Variants in ADAMTS17 observed in about 807,000 individuals in gnomAD.
ADAMTS17 encodes the protein ADAM metallopeptidase with thrombospondin type 1 motif 17, also known as A disintegrin and metalloproteinase with thrombospondin motifs 17.
ADAMTS17 carries 113 observed loss-of-function variants against 141.5 expected under a neutral mutation model. The observed-to-expected ratio is 0.80, with a 90% confidence interval of 0.69 to 0.93. The LOEUF is 0.93. ADAMTS17 is among the 40% of genes least tolerant of loss of function. ADAMTS17 has a pLI of 0.00. For synonymous variants in ADAMTS17, 768 were observed against 630.6 expected (o/e 1.22, Z -3.27); for missense variants, 1,659 against 1,517.9 (o/e 1.09, Z -1.54).
rs2060237403 is a variant in ADAMTS17, at chr15:99,972,747, C to T, written c.*1655G>A. ...ATTCAAGTGGAAGTGAGTAAATTCC[C>T]TGACATCCCTACCGCTTCTCTGCCT... On this transcript the variant is annotated 3_prime_UTR_variant, in exon 22 of 22. Transcript: ENST00000268070. The T allele has an allele frequency of 6.6e-6, 1 of 152,182 alleles. No homozygotes were observed. Among genetic ancestry groups the T allele is most frequent in the East Asian group, 1.9e-4 (1 of 5,176 alleles). The allele number at this position is 152,182 out of a possible 1,614,324, so 9.4% of individuals were successfully genotyped here.
At chr15:100,158,679 T>C (rs116191667) in intron 8 of ADAMTS17, among the ~76,000 whole-genome samples, 1,933 of 152,334 alleles carry the variant, frequency 0.013, 38 homozygotes, top group African/African-American at 0.043. Context: ...AGTGGAATCC[T>C]GCAGTATTTT....
At chr15:100,058,114 T>A (rs144641013) in intron 15 of ADAMTS17, among the ~76,000 whole-genome samples, 167 of 150,844 alleles carry the variant, frequency 1.1e-3, no homozygotes, top group Non-Finnish European at 2.2e-3. Context: ...TCAAACTCCC[T>A]CCAGGGCCTC....
At chr15:99,990,067 GCT>G (rs1596168181) in intron 20 of ADAMTS17, among the ~76,000 whole-genome samples, 1 of 152,052 alleles carries the variant, frequency 6.6e-6, no homozygotes, top group East Asian at 1.9e-4. Context: ...CTTTCTTTTC[GCT>G]CTCTTGACTG....
chr15:100,214,965 C>T (rs1705539652), intron 7 of ADAMTS17, among the ~76,000 whole-genome samples: 1 of 152,242 alleles, frequency 6.6e-6, no homozygotes, highest in South Asian at 2.1e-4. Context: ...ACTGCCCATT[C>T]TGCTCTATTG....
chr15:100,232,019 G>T (rs992775663), intron 7 of ADAMTS17, among the ~76,000 whole-genome samples: 2 of 152,180 alleles, frequency 1.3e-5, no homozygotes, highest in African/African-American at 4.8e-5. Context: ...ACTCAACAGA[G>T]TAACAAAAAT....
At chr15:100,339,030 C>A (rs745746309) in intron 2 of ADAMTS17, 2 of 985,412 alleles carry the variant, frequency 2.0e-6, no homozygotes, top group Non-Finnish European at 2.4e-6. Flanking sequence ...CCAGCTCACA[C>A]GAACGGGATG....
At chr15:100,324,038 A>AG (rs1555509001) in intron 3 of ADAMTS17, among the ~76,000 whole-genome samples, 25 of 151,684 alleles carry the variant, frequency 1.6e-4, no homozygotes, top group African/African-American at 5.1e-4. Flanking sequence ...AAAAAAAAAA[A>AG]AAGAAGAAAG....
At chr15:100,210,764 G>C (rs900529913) in intron 7 of ADAMTS17, among the ~76,000 whole-genome samples, 1 of 152,020 alleles carries the variant, frequency 6.6e-6, no homozygotes, top group African/African-American at 2.4e-5. Context: ...TCAGGAGTTT[G>C]AGGCCAGCCC....
intron 6 of ADAMTS17, among the ~76,000 whole-genome samples, chr15:100,260,034 G>A (rs1451303519): frequency 1.3e-5 from 2 of 152,032 alleles, no homozygotes; most frequent in South Asian, 2.1e-4. Flanking sequence ...TAGTAGAGAC[G>A]GGGTTTCATA....
chr15:100,289,990 A>G (rs1201171413), intron 3 of ADAMTS17, among the ~76,000 whole-genome samples: 3 of 152,182 alleles, frequency 2.0e-5, no homozygotes, highest in African/African-American at 4.8e-5. Context: ...CTCCTACTCA[A>G]CCTAGTACTG....
intron 7 of ADAMTS17, among the ~76,000 whole-genome samples, chr15:100,247,491 A>G (rs1189404953): frequency 6.6e-6 from 1 of 152,110 alleles, no homozygotes; most frequent in African/African-American, 2.4e-5. Flanking sequence ...TGTGACGGAA[A>G]TTCCCCAGAG....
chr15:100,192,699 G>A (rs543903785), intron 8 of ADAMTS17, among the ~76,000 whole-genome samples: 13 of 152,290 alleles, frequency 8.5e-5, no homozygotes, highest in South Asian at 2.1e-4. Context: ...GCACTGTGCC[G>A]GCTGGCTCGT....
chr15:100,301,666 A>G (rs2045042940), intron 3 of ADAMTS17, among the ~76,000 whole-genome samples: 2 of 152,098 alleles, frequency 1.3e-5, no homozygotes, highest in South Asian at 4.1e-4. Flanking sequence ...TATCATCTTT[A>G]GTAATTGGGT....
intron 15 of ADAMTS17, among the ~76,000 whole-genome samples, chr15:100,094,612 G>C (rs2035653346): frequency 6.6e-6 from 1 of 152,204 alleles, no homozygotes; most frequent in South Asian, 2.1e-4. Context: ...ATGGGAGTGG[G>C]CCTGGCTGTA....
At chr15:100,235,629 G>C (rs1168728545) in intron 7 of ADAMTS17, among the ~76,000 whole-genome samples, 3 of 152,202 alleles carry the variant, frequency 2.0e-5, no homozygotes, top group African/African-American at 7.2e-5. Flanking sequence ...TACCTTCCCA[G>C]GTTTTGCTGA....
At chr15:100,139,934 C>A (rs1258845941) in intron 10 of ADAMTS17, among the ~76,000 whole-genome samples, 3 of 152,104 alleles carry the variant, frequency 2.0e-5, no homozygotes, top group Non-Finnish European at 2.9e-5. Flanking sequence ...TAGTATTGTA[C>A]CAAGCTTAAT....
At chr15:100,011,037 G>A (rs547174440) in intron 18 of ADAMTS17, among the ~76,000 whole-genome samples, 1 of 152,024 alleles carries the variant, frequency 6.6e-6, no homozygotes, top group East Asian at 2.0e-4. Flanking sequence ...GTGCAGAGAG[G>A]CCCCGCGACG....
At chr15:100,248,121 G>A (rs182793445) in intron 7 of ADAMTS17, among the ~76,000 whole-genome samples, 4 of 152,206 alleles carry the variant, frequency 2.6e-5, no homozygotes, top group East Asian at 1.9e-4. Flanking sequence ...GCATCAACCC[G>A]GCCTTCAGCC....
intron 7 of ADAMTS17, among the ~76,000 whole-genome samples, chr15:100,204,329 T>TC (rs1159820254): frequency 6.6e-6 from 1 of 152,214 alleles, no homozygotes; most frequent in Admixed American, 6.5e-5. Context: ...GCTCAGTTTT[T>TC]CCCACCAACT....
Sources: allele counts gnomAD v4.1 joint callset (sites outside exome capture counted in the v4.1 genomes callset), GRCh38; gene constraint gnomAD v4.1.1; transcripts MANE v1.5; gene names NCBI Gene and HGNC (gene_info 2026-07-23, HGNC 2026-07-21).